Variants in APBA2 observed in about 807,000 individuals in gnomAD.
APBA2 encodes the protein amyloid-beta A4 precursor protein-binding family A member 2.
A neutral mutation model predicts 75.0 loss-of-function variants in APBA2; 30 were observed. The ratio of observed to expected loss-of-function variants is 0.40; its 90% CI spans 0.30 to 0.54. The LOEUF is 0.54. Ranked by LOEUF, APBA2 falls within the 20% of genes least tolerant of loss-of-function variation. APBA2 has a pLI of 0.49. For synonymous variants in APBA2, 444 were observed against 409.6 expected, an observed-to-expected ratio of 1.08 and a Z score of -1.01; for missense variants, 801 against 1,016.1, an observed-to-expected ratio of 0.79 and a Z score of 2.88.
At chr15:28,956,174 A>G (rs2152730203) in intron 2 of APBA2, among the ~76,000 whole-genome samples, 1 of 152,268 alleles carries the variant, frequency 6.6e-6, no homozygotes, top group South Asian at 2.1e-4. Context: ...CTGTGGTAAC[A>G]GAAGGGTGGG....
chr15:28,908,486 A>G (rs986313138), intron 1 of APBA2, among the ~76,000 whole-genome samples: 4 of 151,362 alleles, frequency 2.6e-5, no homozygotes, highest in Non-Finnish European at 5.9e-5. Flanking sequence ...AATTTTTTGT[A>G]TTTTTAGTGG....
At chr15:29,024,150 C>T (rs2040099991) in intron 3 of APBA2, among the ~76,000 whole-genome samples, 1 of 151,656 alleles carries the variant, frequency 6.6e-6, no homozygotes, top group South Asian at 2.1e-4. Flanking sequence ...GTGACCCACC[C>T]ACCTCAGCCT....
intron 2 of APBA2, among the ~76,000 whole-genome samples, chr15:28,933,483 C>T (rs2034673408): frequency 6.6e-6 from 1 of 152,172 alleles, no homozygotes; most frequent in Non-Finnish European, 1.5e-5. Context: ...ATAATCTACC[C>T]AGTTTATGGT....
At chr15:28,940,716 T>G (rs60881862) in intron 2 of APBA2, among the ~76,000 whole-genome samples, 17,698 of 152,114 alleles carry the variant, frequency 0.12, 2,069 homozygotes, top group East Asian at 0.33. Context: ...TGTCTTGAAA[T>G]TCAGTTTTCT....
At chr15:28,914,693 T>C (rs1236450905) in intron 1 of APBA2, among the ~76,000 whole-genome samples, 65 of 152,096 alleles carry the variant, frequency 4.3e-4, no homozygotes, top group African/African-American at 1.4e-3. Context: ...TTCCCCAGGA[T>C]TCCTGGGCTG....
At chr15:28,901,908 A>ATGTGTGTGTTTGTGTGTG (rs2032881066) in intron 1 of APBA2, among the ~76,000 whole-genome samples, 2 of 67,376 alleles carry the variant, frequency 3.0e-5, no homozygotes, top group Admixed American at 3.7e-4. Flanking sequence ...GGAGCTTTTG[A>ATGTGTGTGTTTGTGTGTG]TGTGTGTGTG....
At chr15:29,001,095 T>C (rs2038820143) in intron 3 of APBA2, among the ~76,000 whole-genome samples, 1 of 152,198 alleles carries the variant, frequency 6.6e-6, no homozygotes, top group South Asian at 2.1e-4. Flanking sequence ...CTTCTGTCTC[T>C]GTGGATTTGC....
intron 3 of APBA2, among the ~76,000 whole-genome samples, chr15:29,044,985 T>C (rs1458038978): frequency 1.3e-5 from 2 of 152,108 alleles, no homozygotes; most frequent in African/African-American, 4.8e-5. Context: ...TGTCCACACA[T>C]GGTGAAAGGG....
At chr15:28,982,189 G>A (rs894482812) in intron 2 of APBA2, among the ~76,000 whole-genome samples, 58 of 152,170 alleles carry the variant, frequency 3.8e-4, no homozygotes, top group African/African-American at 1.4e-3. Flanking sequence ...GGAAAAGTGG[G>A]CCTTCCCCGC....
intron 3 of APBA2, among the ~76,000 whole-genome samples, chr15:29,047,296 G>A (rs2220545): frequency 0.34 from 52,214 of 152,052 alleles, 12,179 homozygotes; most frequent in African/African-American, 0.67. Flanking sequence ...GGGAAAGAGA[G>A]CTGGATCAGA....
chr15:29,016,118 A>G (rs1238521747), intron 3 of APBA2, among the ~76,000 whole-genome samples: 1 of 152,136 alleles, frequency 6.6e-6, no homozygotes, highest in Non-Finnish European at 1.5e-5. Flanking sequence ...TTAGCTGGGC[A>G]TTGTGGCGCA....
rs201991863 is a variant in APBA2, at chr15:29,054,525, G to A, written c.641G>A (p.Arg214His). 248 of 1,613,472 alleles carry A rather than the reference G, an allele frequency of 1.5e-4. No homozygotes were observed. The highest frequency in any genetic ancestry group is 9.3e-5 in the African/African-American group (7 of 75,064). Reference sequence around the variant, plus strand: ...GGCGCCTCCCCCTACCGCCTGAGGCGTGGGGATGGGGACCTGGAGGACCAG... The same window carrying A: ...GGCGCCTCCCCCTACCGCCTGAGGCATGGGGATGGGGACCTGGAGGACCAG... ...NTGASPYRLR[R>H]GDGDLEDQEE... The change falls in exon 4 of 15, where the codon CGT becomes CAT. Residue 214 changes from arginine (R) to histidine (H), a missense_variant. Physicochemically the swap from Arg to His is conservative, Grantham distance 29. Transcript: ENST00000683413. This position sits in a 1 kb window ranked among gnomAD's most constrained non-coding sequence, Gnocchi z 6.1.
chr15:29,056,976 T>C (rs2095368549), intron 4 of APBA2, among the ~76,000 whole-genome samples: 2 of 151,978 alleles, frequency 1.3e-5, no homozygotes, highest in African/African-American at 4.8e-5. Context: ...CCTGCTTTCC[T>C]AAGAACAATC....
chr15:28,978,722 C>T (rs1246758583), intron 2 of APBA2, among the ~76,000 whole-genome samples: 1 of 152,194 alleles, frequency 6.6e-6, no homozygotes, highest in East Asian at 1.9e-4. Context: ...CCGGCAGGTG[C>T]CTCCCAGGGC....
At chr15:28,961,080 G>A (rs917049573) in intron 2 of APBA2, among the ~76,000 whole-genome samples, 3 of 152,158 alleles carry the variant, frequency 2.0e-5, no homozygotes, top group African/African-American at 7.2e-5. Flanking sequence ...TTCTTACACA[G>A]TGAAGACCCA....
At position 29,094,315 on chromosome 15, in the gene APBA2, T is replaced by G; in HGVS notation, c.1251+2T>G. Reference sequence around the variant, plus strand: ...GCTGCTAAGATCAAGAAAAAAGCGGTGTGTAGGGCCTTGAGGCCCTGGGAC... The same window carrying G: ...GCTGCTAAGATCAAGAAAAAAGCGGGGTGTAGGGCCTTGAGGCCCTGGGAC... On this transcript the variant is annotated splice_donor_variant, in intron 8 of 14. Transcript: ENST00000683413. LOFTEE classifies it high-confidence loss of function. 6.2e-7 allele frequency: 1 copy of G among 1,614,172 alleles called. No individual in the cohort carries two copies. The highest frequency in any genetic ancestry group is 8.5e-7 in the Non-Finnish European group (1 of 1,179,984).
At chr15:28,968,872 C>T (rs991803746) in intron 2 of APBA2, among the ~76,000 whole-genome samples, 22 of 152,148 alleles carry the variant, frequency 1.4e-4, no homozygotes, top group African/African-American at 5.3e-4. Context: ...AACATAAACA[C>T]GGCTGTCTCT....
chr15:29,106,506 G>A (rs760229472), intron 11 of APBA2, 101 bp from the exon 12 acceptor site: 26 of 1,320,010 alleles, frequency 2.0e-5, no homozygotes, highest in Middle Eastern at 2.5e-4. Flanking sequence ...AGGGCAGGGC[G>A]GGATGTGCCA....
In APBA2 at chr15:29,025,515, G is replaced by A. The variant is rs555461632; in HGVS notation, c.-40-28330G>A. 2.6e-5 allele frequency among the ~76,000 whole-genome samples: 4 copies of A among 151,938 alleles called. No homozygotes were observed. The South Asian group carries it at 6.2e-4, about 24-fold the overall frequency. On this transcript the variant is annotated intron_variant, in intron 3 of 14. Coordinates refer to ENST00000683413, the MANE Select transcript of APBA2 (RefSeq NM_001353788.2). Reference sequence around the variant, plus strand: ...ATTCGATCTCTTGACCTTGTGATCCGCCTGCCTCGGCCTCCCAGAGTGCTG... The same window carrying A: ...ATTCGATCTCTTGACCTTGTGATCCACCTGCCTCGGCCTCCCAGAGTGCTG...
Sources: gnomAD v4.1 joint callset for allele counts (sites outside exome capture counted in the v4.1 genomes callset) on GRCh38, gnomAD v4.1.1 for gene constraint, Gnocchi (gnomAD v3.1) non-coding constraint, MANE v1.5 for transcripts, NCBI Gene and HGNC (gene_info 2026-07-23, HGNC 2026-07-21) for gene names.